Variants in INSYN1 observed in about 807,000 individuals in gnomAD.
INSYN1 encodes inhibitory synaptic factor 1.
INSYN1 carries 7 observed loss-of-function variants against 17.1 expected under a neutral mutation model. The observed-to-expected ratio is 0.41, with a 90% CI of 0.23 to 0.77. The LOEUF is 0.77. INSYN1 is among the 30% of genes least tolerant of loss of function. INSYN1 has a pLI of 0.32. For synonymous variants in INSYN1, 174 were observed against 166.3 expected (o/e 1.05, Z -0.36); for missense variants, 339 against 400.6 (o/e 0.85, Z 1.31).
rs1358197028 is a variant in INSYN1 at position 73,739,270 on chromosome 15, A to T, written c.*647T>A. 6.6e-6 allele frequency: 1 copy of T among 152,362 alleles called. No individual in the cohort carries two copies. The highest frequency in any genetic ancestry group is 1.5e-5 in the Non-Finnish European group (1 of 68,134). 9.4% of individuals were successfully genotyped at this position (152,362 alleles called of 1,614,324 possible). A position where few individuals can be genotyped will look rare whatever the true frequency, so the allele number is the denominator to read the frequency against. ...CCCTGCCCAGCCCAGGCGATCCTTC[A>T]GGCTCTGTGGATGCCCAGCATCCCA... On this transcript the variant is annotated 3_prime_UTR_variant, in exon 3 of 3. Coordinates refer to ENST00000569673, the MANE Select transcript of INSYN1 (RefSeq NM_001039614.3).
chr15:73,745,346 C>G (rs979002635), intron 2 of INSYN1, among the ~76,000 whole-genome samples: 1 of 152,106 alleles, frequency 6.6e-6, no homozygotes, highest in Non-Finnish European at 1.5e-5. Flanking sequence ...TCACTTCTGC[C>G]TCTGGGCCTC....
In INSYN1 at chr15:73,751,217, G is replaced by A; in HGVS notation, c.-87C>T. The A allele has an allele frequency of 1.3e-6, 2 of 1,507,202 alleles. No homozygotes were observed. The highest frequency in any genetic ancestry group is 1.8e-6 in the Non-Finnish European group (2 of 1,113,722). The allele number at this position is 1,507,202 out of a possible 1,614,324, so 93.4% of individuals were successfully genotyped here. A position where few individuals can be genotyped will look rare whatever the true frequency, so the allele number is the denominator to read the frequency against. On this transcript the variant is annotated 5_prime_UTR_variant, in exon 2 of 3. Transcript: ENST00000569673. ...CCTCCACGGAGCCCCCCTCGGCTGG[G>A]CAGAGCTCCACATTTTAACGGCCCC... is the stretch of plus-strand genomic sequence containing the variant.
chr15:73,746,859 AG>A (rs1363181221), intron 2 of INSYN1, among the ~76,000 whole-genome samples: 1 of 152,094 alleles, frequency 6.6e-6, no homozygotes, highest in African/African-American at 2.4e-5. Context: ...GGCCAAGGAC[AG>A]GGGCCCTTAA....
rs10710669 is a variant in INSYN1, at chr15:73,736,894, TA to T, written c.*3022del. On this transcript the variant is annotated 3_prime_UTR_variant, in exon 3 of 3. Transcript: ENST00000569673. ...CTGGATGATAGAGGGAGACTCCATC[TA>T]AAAAAAAACAAAACAAAACAAAAAC... The T allele has an allele frequency of 0.8, 121,885 of 151,930 alleles. 49,829 individuals carry two copies. The highest frequency in any genetic ancestry group is 0.92 in the Middle Eastern group (273 of 296). 9.4% of individuals were successfully genotyped at this position (151,930 alleles called of 1,614,324 possible).
Position 73,740,123 on chromosome 15 carries a change from C to A in INSYN1, c.676G>T (p.Ala226Ser). 6.2e-7 allele frequency: 1 copy of A among 1,613,902 alleles called. No individual in the cohort carries two copies. Among genetic ancestry groups the A allele is most frequent in the South Asian group, 1.1e-5 (1 of 91,066 alleles). ...GLPPEPAHTE[A>S]HAGPHKPSPA... is the part of the protein sequence containing the mutation. ...GAGGGCTTGTGGGGGCCTGCATGGG[C>A]CTCTGTATGGGCAGGCTCAGGGGGC... Residue 226 changes from alanine (A) to serine (S), a missense_variant, in exon 3 of 3, where the codon GCC (alanine) becomes TCC (serine). Coordinates refer to ENST00000569673, the MANE Select transcript of INSYN1 (RefSeq NM_001039614.3).
Position 73,753,188 on chromosome 15 carries a change from G to A in INSYN1, c.-1646C>T, listed in dbSNP as rs893039840. The stretch of plus-strand genomic sequence containing the variant: ...GCCCCGCCGGGCTCCCGGGGCCTGG[G>A]CCCGCTCCCCAAGCGCCGCGGCGCC... On this transcript the variant is annotated 5_prime_UTR_variant, in exon 1 of 3. Coordinates refer to ENST00000569673, the MANE Select transcript of INSYN1 (RefSeq NM_001039614.3). This position sits in a 1 kb window ranked among gnomAD's most constrained non-coding sequence, Gnocchi z 4.2. 3.4e-5 allele frequency among the ~76,000 whole-genome samples: 5 copies of A among 145,294 alleles called. No homozygotes were observed. Among genetic ancestry groups the A allele is most frequent in the African/African-American group, 1.2e-4 (5 of 40,532 alleles).
rs988109412 is a variant in INSYN1 at position 73,738,802 on chromosome 15, C to T, written c.*1115G>A. ...ATGAGATGCTGCTATAAAAAGTATT[C>T]GGCATAGAAGTAGCATAGAGACCTG... On this transcript the variant is annotated 3_prime_UTR_variant, in exon 3 of 3. Coordinates refer to ENST00000569673, the MANE Select transcript of INSYN1 (RefSeq NM_001039614.3). 2.0e-5 allele frequency: 3 copies of T among 152,158 alleles called. No homozygotes were observed. The highest frequency in any genetic ancestry group is 2.1e-4 in the South Asian group (1 of 4,830). The allele number at this position is 152,158 out of a possible 1,614,324, so 9.4% of individuals were successfully genotyped here.
rs1168529975 is a variant in INSYN1 at position 73,739,715 on chromosome 15, A to C, written c.*202T>G. 6.0e-6 allele frequency: 1 copy of C among 166,452 alleles called. No individual in the cohort carries two copies. The highest frequency in any genetic ancestry group is 1.7e-4 in the East Asian group (1 of 5,954). 10.3% of individuals were successfully genotyped at this position (166,452 alleles called of 1,614,324 possible). On this transcript the variant is annotated 3_prime_UTR_variant, in exon 3 of 3. Transcript: ENST00000569673. ...ACGGAGGAAGGGCAGTCCTGCCCAC[A>C]CCTCCTGGGACCTAGGAGGCCAATG...
At chr15:73,750,442 C>T (rs918772118) in intron 2 of INSYN1, among the ~76,000 whole-genome samples, 3 of 152,164 alleles carry the variant, frequency 2.0e-5, no homozygotes, top group Non-Finnish European at 4.4e-5. Flanking sequence ...TTCTTACCCC[C>T]GGACAAAGAG....
intron 2 of INSYN1, among the ~76,000 whole-genome samples, chr15:73,749,490 C>A (rs1454393354): frequency 6.6e-6 from 1 of 152,164 alleles, no homozygotes; most frequent in Non-Finnish European, 1.5e-5. Flanking sequence ...TCAATCCTGG[C>A]TCTTTGTGGG....
At chr15:73,747,342 G>C (rs1164794844) in intron 2 of INSYN1, among the ~76,000 whole-genome samples, 1 of 152,120 alleles carries the variant, frequency 6.6e-6, no homozygotes. Flanking sequence ...GAAACTAAAG[G>C]GCCCCAGCCA....
rs759831207 is a variant in INSYN1 at position 73,751,134 on chromosome 15, T to C, written c.-4A>G. 6.2e-7 allele frequency: 1 copy of C among 1,613,414 alleles called. No homozygotes were observed. Among genetic ancestry groups the C allele is most frequent in the East Asian group, 2.2e-5 (1 of 44,850 alleles). On this transcript the variant is annotated 5_prime_UTR_variant, in exon 2 of 3. An upstream open reading frame in the 5' UTR loses its in-frame stop. Coordinates refer to ENST00000569673, the MANE Select transcript of INSYN1 (RefSeq NM_001039614.3). The stretch of plus-strand genomic sequence containing the variant: ...CCGGGGCGCCCCGAATGTTCATCGT[T>C]TACCACGTGGCCGCAGGCCTGCCCA...
rs1901974720 is a variant in INSYN1 at position 73,751,215 on chromosome 15, G to T, written c.-85C>A. The T allele has an allele frequency of 4.0e-6, 6 of 1,513,596 alleles. No individual in the cohort carries two copies. The Admixed American group carries it at 9.4e-5, about 24-fold the overall frequency. 93.8% of individuals were successfully genotyped at this position (1,513,596 alleles called of 1,614,324 possible). On this transcript the variant is annotated 5_prime_UTR_variant, in exon 2 of 3. Transcript: ENST00000569673. ...TGCCTCCACGGAGCCCCCCTCGGCT[G>T]GGCAGAGCTCCACATTTTAACGGCC...
intron 2 of INSYN1, among the ~76,000 whole-genome samples, chr15:73,743,023 A>T (rs962997145): frequency 6.6e-6 from 1 of 152,360 alleles, no homozygotes; most frequent in Admixed American, 6.5e-5. Flanking sequence ...TGATGGCCTC[A>T]GGAGAGGCCC....
chr15:73,749,423 G>A (rs1179793202), intron 2 of INSYN1, among the ~76,000 whole-genome samples: 1 of 152,208 alleles, frequency 6.6e-6, no homozygotes, highest in Non-Finnish European at 1.5e-5. Context: ...ATGCCTGGAA[G>A]ATGCCCAACT....
rs1901965772 is a variant in INSYN1 at position 73,751,079 on chromosome 15, T to A, written c.52A>T (p.Ser18Cys). 2.5e-6 allele frequency: 4 copies of A among 1,613,904 alleles called. No homozygotes were observed. Among genetic ancestry groups the A allele is most frequent in the African/African-American group, 2.7e-5 (2 of 74,928 alleles). ...DLGQPSDDPS[S>C]GGERERIRQR... The stretch of plus-strand genomic sequence containing the variant: ...CGAATCCGCTCCCGCTCACCACCAC[T>A]GCTGGGGTCGTCACTGGGCTGCCCG... The change falls in exon 2 of 3, where the codon AGT (serine) becomes TGT (cysteine). Residue 18 changes from serine to cysteine, a missense_variant. Physicochemically the swap from Ser to Cys is moderately radical, Grantham distance 112 (BLOSUM62 -1). Coordinates refer to ENST00000569673, the MANE Select transcript of INSYN1 (RefSeq NM_001039614.3).
chr15:73,739,853 ATATATATATATATATT>A lies in INSYN1; in HGVS notation c.*48_*63del, dbSNP rs1329314132. 10 of 204,378 alleles carry A rather than the reference ATATATATATATATATT, an allele frequency of 4.9e-5. No homozygotes were observed. The highest frequency in any genetic ancestry group is 1.5e-4 in the South Asian group (1 of 6,610). 12.7% of individuals were successfully genotyped at this position (204,378 alleles called of 1,614,324 possible). A position where few individuals can be genotyped will look rare whatever the true frequency, so the allele number is the denominator to read the frequency against. On this transcript the variant is annotated 3_prime_UTR_variant, in exon 3 of 3. Transcript: ENST00000569673. ...CATTTGTTTAAATATATATATATAT[ATATATATATATATATT>A]TATTTATAGCTCTATGTGCCCACCG... is the stretch of plus-strand genomic sequence containing the variant.
Position 73,738,216 on chromosome 15 carries a change from AGAG to A in INSYN1, c.*1698_*1700del, listed in dbSNP as rs960370206. ...GTGAAGACTACCAGACCCATTATACAGAGGAGGTAGATAGGCTCAGAGAGGCAA... is the reference window on the plus strand; with the variant it reads ...GTGAAGACTACCAGACCCATTATACAGAGGTAGATAGGCTCAGAGAGGCAA... On this transcript the variant is annotated 3_prime_UTR_variant, in exon 3 of 3. Coordinates refer to ENST00000569673, the MANE Select transcript of INSYN1 (RefSeq NM_001039614.3). 2 of 152,264 alleles carry A rather than the reference AGAG, an allele frequency of 1.3e-5. No individual in the cohort carries two copies. Among genetic ancestry groups the A allele is most frequent in the African/African-American group, 4.8e-5 (2 of 41,462 alleles). The allele number at this position is 152,264 out of a possible 1,614,324, so 9.4% of individuals were successfully genotyped here. A position where few individuals can be genotyped will look rare whatever the true frequency, so the allele number is the denominator to read the frequency against.
At position 73,740,278 on chromosome 15, in the gene INSYN1, T is replaced by A; in HGVS notation, c.521A>T (p.Gln174Leu). ...AFGAGPTVKSQLPQRTPGTRE... is the reference protein window; with the variant it reads ...AFGAGPTVKSLLPQRTPGTRE... ...TGTCCCTGGGGTCCGCTGGGGCAGC[T>A]GGCTCTTCACCGTGGGGCCAGCACC... is the stretch of plus-strand genomic sequence containing the variant. The change falls in exon 3 of 3, where the codon CAG becomes CTG. Residue 174 changes from glutamine to leucine, a missense_variant. Coordinates refer to ENST00000569673, the MANE Select transcript of INSYN1 (RefSeq NM_001039614.3). The A allele has an allele frequency of 1.9e-6, 3 of 1,613,746 alleles. No individual in the cohort carries two copies. The highest frequency in any genetic ancestry group is 1.7e-6 in the Non-Finnish European group (2 of 1,179,956).
Sources: gnomAD v4.1 joint callset for allele counts (sites outside exome capture counted in the v4.1 genomes callset) on GRCh38, gnomAD v4.1.1 for gene constraint, Gnocchi (gnomAD v3.1) non-coding constraint, MANE v1.5 for transcripts, NCBI Gene and HGNC (gene_info 2026-07-23, HGNC 2026-07-21) for gene names.